Variants in UBAC2 observed in about 807,000 individuals in gnomAD.
UBAC2 encodes UBA domain containing 2.
A neutral mutation model predicts 44.0 loss-of-function variants in UBAC2; 26 were observed. The ratio of observed to expected loss-of-function variants is 0.59; its 90% CI spans 0.43 to 0.82. The LOEUF is 0.82. Among genes scored for constraint, UBAC2 ranks in the 40% least tolerant of loss-of-function variants. The pLI is 0.00. For missense variants in UBAC2, 329 were observed against 419.4 expected (o/e 0.78, Z 1.88); for synonymous variants, 155 against 154.3 (o/e 1.00, Z -0.04).
intron 1 of UBAC2, among the ~76,000 whole-genome samples, chr13:99,214,066 G>C (rs961759039): frequency 6.6e-6 from 1 of 152,092 alleles, no homozygotes; most frequent in Non-Finnish European, 1.5e-5. Context: ...TGATCTGCCT[G>C]CCTCATCCTC....
intron 4 of UBAC2, among the ~76,000 whole-genome samples, chr13:99,297,081 AT>A (rs1241054560): frequency 6.6e-6 from 1 of 152,184 alleles, no homozygotes; most frequent in Non-Finnish European, 1.5e-5. Context: ...TCAATGCATA[AT>A]TTGCTTAGCT....
chr13:99,310,325 G>T (rs770668422), intron 4 of UBAC2, among the ~76,000 whole-genome samples: 2 of 152,094 alleles, frequency 1.3e-5, no homozygotes, highest in Non-Finnish European at 2.9e-5. Flanking sequence ...GACAGATACC[G>T]GTGTCTCAAG....
intron 4 of UBAC2, among the ~76,000 whole-genome samples, chr13:99,258,998 T>C (rs1286704955): frequency 6.6e-6 from 1 of 152,262 alleles, no homozygotes; most frequent in Non-Finnish European, 1.5e-5. Flanking sequence ...TCTGCTTTTC[T>C]AGTGCGTGGA....
chr13:99,286,559 A>G (rs904854054), intron 4 of UBAC2, among the ~76,000 whole-genome samples: 5 of 151,732 alleles, frequency 3.3e-5, no homozygotes, highest in Admixed American at 3.3e-4. Flanking sequence ...ACATGGGTAA[A>G]TTGTGTGTCA....
intron 4 of UBAC2, among the ~76,000 whole-genome samples, chr13:99,281,459 C>G (rs192342406): frequency 1.6e-4 from 25 of 152,134 alleles, no homozygotes; most frequent in Non-Finnish European, 3.2e-4. Context: ...CGGCATTGTA[C>G]TTGGTACTAT....
At chr13:99,274,318 C>T (rs543483640) in intron 4 of UBAC2, among the ~76,000 whole-genome samples, 1 of 151,928 alleles carries the variant, frequency 6.6e-6, no homozygotes, top group South Asian at 2.1e-4. Context: ...TGAATACCAC[C>T]ATCTATCCAT....
intron 4 of UBAC2, among the ~76,000 whole-genome samples, chr13:99,286,376 G>A (rs1434131710): frequency 1.3e-5 from 2 of 152,214 alleles, no homozygotes; most frequent in Non-Finnish European, 2.9e-5. Flanking sequence ...CATTGTGTGT[G>A]TGTTTATGAA....
chr13:99,246,415 G>A (rs1317096603), intron 4 of UBAC2, among the ~76,000 whole-genome samples: 1 of 152,206 alleles, frequency 6.6e-6, no homozygotes, highest in Non-Finnish European at 1.5e-5. Flanking sequence ...CAGGAAAGCA[G>A]CAGCATTGCC....
chr13:99,288,002 A>G (rs2044042176), intron 4 of UBAC2, among the ~76,000 whole-genome samples: 1 of 152,186 alleles, frequency 6.6e-6, no homozygotes, highest in African/African-American at 2.4e-5. Flanking sequence ...CATTTTTACT[A>G]TGTAGCCCCT....
chr13:99,322,885 C>T (rs969609914), intron 6 of UBAC2, among the ~76,000 whole-genome samples: 1 of 152,132 alleles, frequency 6.6e-6, no homozygotes, highest in Non-Finnish European at 1.5e-5. Flanking sequence ...GTCAAGACAG[C>T]GCATTTGCGG....
At chr13:99,289,155 C>T (rs1435527291) in intron 4 of UBAC2, among the ~76,000 whole-genome samples, 7 of 152,170 alleles carry the variant, frequency 4.6e-5, no homozygotes, top group African/African-American at 1.7e-4. Flanking sequence ...ACCAGGCCAC[C>T]CATCTCCAGG....
intron 1 of UBAC2, among the ~76,000 whole-genome samples, chr13:99,204,901 CTTTTTTTTTTTT>C (rs569772649): frequency 1.3e-5 from 1 of 75,950 alleles, no homozygotes; most frequent in Non-Finnish European, 2.5e-5. Flanking sequence ...GTTTCGTTTC[CTTTTTTTTTTTT>C]TTTTTTTTTG....
At chr13:99,360,366 CT>C (rs772210936) in intron 7 of UBAC2, among the ~76,000 whole-genome samples, 1 of 152,196 alleles carries the variant, frequency 6.6e-6, no homozygotes, top group Non-Finnish European at 1.5e-5. Context: ...TGAATTAACT[CT>C]TTTGATTCTC....
At chr13:99,260,549 T>C (rs1239944518) in intron 4 of UBAC2, among the ~76,000 whole-genome samples, 1 of 152,206 alleles carries the variant, frequency 6.6e-6, no homozygotes, top group Non-Finnish European at 1.5e-5. Flanking sequence ...CCCTATAGCA[T>C]TGACCCCCGT....
intron 4 of UBAC2, 101 bp from the exon 5 acceptor site, chr13:99,313,995 CA>C (rs2044450130): frequency 4.4e-6 from 5 of 1,140,444 alleles, no homozygotes; most frequent in Non-Finnish European, 6.2e-6. Context: ...ACCATGCTTT[CA>C]GACTGAAATA....
chr13:99,305,512 C>T (rs1049483351), intron 4 of UBAC2, among the ~76,000 whole-genome samples: 1 of 152,310 alleles, frequency 6.6e-6, no homozygotes, highest in African/African-American at 2.4e-5. Flanking sequence ...GACTTGATCT[C>T]ATCCAACATT....
chr13:99,296,080 G>A (rs2044167448), intron 4 of UBAC2: 1 of 1,613,508 alleles, frequency 6.2e-7, no homozygotes, highest in Admixed American at 1.7e-5. Flanking sequence ...GTGCATAGAG[G>A]TCACAGTCAT....
At chr13:99,324,497 G>A (rs925186998) in intron 6 of UBAC2, among the ~76,000 whole-genome samples, 1 of 152,228 alleles carries the variant, frequency 6.6e-6, no homozygotes, top group African/African-American at 2.4e-5. Flanking sequence ...CATGTAGCAT[G>A]AACAGGAAAG....
rs2042943520 is a variant in UBAC2 at position 99,212,170 on chromosome 13, C to T, written c.31+11231C>T. On this transcript the variant is annotated intron_variant, in intron 1 of 8. Coordinates refer to ENST00000403766, the MANE Select transcript of UBAC2 (RefSeq NM_001144072.2). ...TCAGTTTTAGTAATATAGGTGGAAC[C>T]TATCTTACATCAAGCAATTTTAAAA... Among the ~76,000 whole-genome samples, 6 of 152,244 alleles carry T rather than the reference C, an allele frequency of 3.9e-5. No homozygotes were observed. The South Asian group carries it at 1.2e-3, about 32-fold the overall frequency.
Sources: gnomAD v4.1 joint callset for allele counts (sites outside exome capture counted in the v4.1 genomes callset) on GRCh38, gnomAD v4.1.1 for gene constraint, MANE v1.5 for transcripts, NCBI Gene and HGNC (gene_info 2026-07-23, HGNC 2026-07-21) for gene names.